The following SLC5A4 variants were observed in gnomAD, a reference collection of about 807,000 sequenced individuals.
SLC5A4 encodes probable glucose sensor protein SLC5A4.
In SLC5A4, 55 loss-of-function variants were observed where a neutral mutation model predicts 70.3. That is an observed-to-expected ratio of 0.78 (90% CI 0.63 to 0.98). SLC5A4 has a LOEUF of 0.98. Ranked by LOEUF, SLC5A4 falls within the 50% of genes least tolerant of loss-of-function variation. SLC5A4 has a pLI of 0.00. For synonymous variants in SLC5A4, 268 were observed against 305.7 expected (o/e 0.88, Z 1.29); for missense variants, 735 against 839.2 (o/e 0.88, Z 1.53).
At chr22:32,345,370 TGTTA>T in the SLC5A4 span, among the ~76,000 whole-genome samples, 3 of 151,610 alleles carry the variant, frequency 2.0e-5, no homozygotes, top group Non-Finnish European at 4.4e-5. Flanking sequence ...AAAAAGTGAA[TGTTA>T]GTCAGTGAAT....
the SLC5A4 span, among the ~76,000 whole-genome samples, chr22:32,274,482 T>C: frequency 1.3e-5 from 2 of 152,156 alleles, no homozygotes; most frequent in Non-Finnish European, 1.5e-5. Context: ...AGAAAGTTCA[T>C]GGCCCACTTA....
the SLC5A4 span, among the ~76,000 whole-genome samples, chr22:32,282,493 C>T: frequency 6.6e-6 from 1 of 152,162 alleles, no homozygotes; most frequent in Non-Finnish European, 1.5e-5. Context: ...AACATGTTGG[C>T]ACATTCTGGA....
At chr22:32,286,677 A>C in the SLC5A4 span, among the ~76,000 whole-genome samples, 7 of 152,220 alleles carry the variant, frequency 4.6e-5, no homozygotes, top group Admixed American at 4.6e-4. Flanking sequence ...GGCAGTCTGT[A>C]CTATTAATGG....
At chr22:32,298,840 G>A in the SLC5A4 span, among the ~76,000 whole-genome samples, 1 of 113,568 alleles carries the variant, frequency 8.8e-6, no homozygotes, top group Non-Finnish European at 1.8e-5. Flanking sequence ...GCTCTTGTAA[G>A]GCAGGCCTGG....
the SLC5A4 span, among the ~76,000 whole-genome samples, chr22:32,340,274 T>TA: frequency 6.6e-6 from 1 of 152,248 alleles, no homozygotes. Flanking sequence ...CTACTGTTAC[T>TA]AACGGTACTA....
chr22:32,257,293 C>T (rs909150277), upstream of SLC5A4, among the ~76,000 whole-genome samples: 15 of 152,204 alleles, frequency 9.9e-5, no homozygotes, highest in African/African-American at 3.6e-4. Flanking sequence ...GCAGGACTAC[C>T]TCATTGGCAG....
the SLC5A4 span, among the ~76,000 whole-genome samples, chr22:32,278,512 A>ATT: frequency 6.6e-6 from 1 of 152,186 alleles, no homozygotes; most frequent in African/African-American, 2.4e-5. Flanking sequence ...CAAGCTGCTG[A>ATT]TTTTTTTGTT....
chr22:32,321,794 G>A, the SLC5A4 span, among the ~76,000 whole-genome samples: 1 of 152,310 alleles, frequency 6.6e-6, no homozygotes. Context: ...CAAAGGACAT[G>A]ATCTTGTTCT....
At chr22:32,268,936 G>A in the SLC5A4 span, among the ~76,000 whole-genome samples, 1 of 152,062 alleles carries the variant, frequency 6.6e-6, no homozygotes, top group Non-Finnish European at 1.5e-5. Context: ...TCGCTCTTTC[G>A]CCCAGGCTGA....
the SLC5A4 span, among the ~76,000 whole-genome samples, chr22:32,344,454 T>C: frequency 0.4 from 60,097 of 151,984 alleles, 13,562 homozygotes; most frequent in African/African-American, 0.61. Flanking sequence ...CAGGAAAGTA[T>C]ATGTTTTTAT....
At chr22:32,261,667 CA>C in the SLC5A4 span, among the ~76,000 whole-genome samples, 3 of 152,230 alleles carry the variant, frequency 2.0e-5, no homozygotes, top group African/African-American at 7.2e-5. Flanking sequence ...AACTCTCCCC[CA>C]AAGCAGCAAA....
At chr22:32,224,141 C>G in intron 13 of SLC5A4, 126 bp downstream of exon 13, 1 of 683,936 alleles carries the variant, frequency 1.5e-6, no homozygotes. Flanking sequence ...AGGATGGTCT[C>G]CATCTCCTGA....
At chr22:32,354,337 C>A in the SLC5A4 span, among the ~76,000 whole-genome samples, 7 of 151,600 alleles carry the variant, frequency 4.6e-5, no homozygotes, top group African/African-American at 1.5e-4. Context: ...GAGCCTAACC[C>A]GTCCCCCACC....
chr22:32,340,731 C>A, the SLC5A4 span, among the ~76,000 whole-genome samples: 1 of 152,124 alleles, frequency 6.6e-6, no homozygotes, highest in Non-Finnish European at 1.5e-5. Context: ...CAGCCAAGTG[C>A]CAGTGTCGGG....
At chr22:32,270,865 C>T in the SLC5A4 span, 1 of 549,102 alleles carries the variant, frequency 1.8e-6, no homozygotes, top group South Asian at 1.7e-5. Context: ...TGCACAAGCC[C>T]CCGCTGCACC....
chr22:32,331,594 T>C, the SLC5A4 span, among the ~76,000 whole-genome samples: 2 of 151,588 alleles, frequency 1.3e-5, no homozygotes, highest in African/African-American at 4.9e-5. Flanking sequence ...AGCGGTGGGG[T>C]GGAGATGACA....
rs1252714670 is a variant in SLC5A4 at position 32,232,904 on chromosome 22, T to G, written c.1016A>C (p.Tyr339Ser). The G allele has an allele frequency of 6.8e-6, 11 of 1,613,786 alleles. No individual in the cohort carries two copies. The highest frequency in any genetic ancestry group is 9.3e-6 in the Non-Finnish European group (11 of 1,179,848). The change falls in exon 9 of 15, where the codon TAC (tyrosine) becomes TCC (serine). Residue 339 changes from tyrosine (Y) to serine (S), a missense_variant. Transcript: ENST00000266086. ...CATACGGATTCAGGGCTTACCTGTG[T>G]ACAGGATGCGGCTGATCATCCCCGG... ...VMPGMISRIL[Y>S]TDMVACVVPS...
At chr22:32,274,414 A>G in the SLC5A4 span, among the ~76,000 whole-genome samples, 12 of 152,286 alleles carry the variant, frequency 7.9e-5, no homozygotes, top group African/African-American at 2.9e-4. Context: ...TACCCCTCAT[A>G]GTTTGTTGTA....
At chr22:32,273,911 A>G in the SLC5A4 span, among the ~76,000 whole-genome samples, 1 of 152,230 alleles carries the variant, frequency 6.6e-6, no homozygotes, top group Non-Finnish European at 1.5e-5. Context: ...GAAAACATAC[A>G]CAAGTCATTT....
Sources: allele counts gnomAD v4.1 joint callset (sites outside exome capture counted in the v4.1 genomes callset), GRCh38; gene constraint gnomAD v4.1.1; transcripts MANE v1.5; gene names NCBI Gene and HGNC (gene_info 2026-07-23, HGNC 2026-07-21).